The following IQCH variants were observed in gnomAD, a reference collection of about 807,000 sequenced individuals.
IQCH encodes the protein IQ motif containing H.
A neutral mutation model predicts 117.0 loss-of-function variants in IQCH; 98 were observed. That is an observed-to-expected ratio of 0.84 (90% CI 0.71 to 0.99). The LOEUF (loss-of-function observed/expected upper bound fraction) is 0.99, where lower values mean the gene tolerates loss of function less well. Among genes scored for constraint, IQCH ranks in the 50% least tolerant of loss-of-function variants. IQCH has a pLI of 0.00. For synonymous variants in IQCH, 412 were observed against 448.2 expected (o/e 0.92, Z 1.02); for missense variants, 1,102 against 1,243.8 (o/e 0.89, Z 1.72).
intron 3 of IQCH, among the ~76,000 whole-genome samples, chr15:67,276,851 A>G (rs1966146149): frequency 1.3e-5 from 2 of 152,156 alleles, no homozygotes; most frequent in Admixed American, 1.3e-4. Context: ...AAATTCCTGA[A>G]TCTGTAGCTT....
intron 15 of IQCH, chr15:67,421,090 A>G: frequency 1.7e-6 from 1 of 592,222 alleles, no homozygotes; most frequent in Non-Finnish European, 3.0e-6. Context: ...TGAATACTAT[A>G]GATAGATACA....
chr15:67,500,800 A>ATT lies in IQCH; in HGVS notation c.*62_*63dup. ...ATCCCAGTCTGGAATAAAAAGGGCA[A>ATT]TTTTTTTTTCTGTTAGAAATAAAAG... On this transcript the variant is annotated 3_prime_UTR_variant, in exon 21 of 21. Transcript: ENST00000335894. The surrounding 1 kb of genome is among the most constrained non-coding windows in gnomAD (Gnocchi z 4.4). 5.6e-6 allele frequency: 5 copies of ATT among 891,818 alleles called. No homozygotes were observed. The highest frequency in any genetic ancestry group is 2.8e-5 in the Admixed American group (1 of 35,680). 55.2% of individuals were successfully genotyped at this position (891,818 alleles called of 1,614,324 possible). A position where few individuals can be genotyped will look rare whatever the true frequency, so the allele number is the denominator to read the frequency against.
intron 4 of IQCH, among the ~76,000 whole-genome samples, chr15:67,294,648 A>G (rs1016146612): frequency 6.6e-6 from 1 of 152,230 alleles, no homozygotes; most frequent in South Asian, 2.1e-4. Flanking sequence ...AAGCATGGAC[A>G]AAAGGCAACA....
Position 67,456,583 on chromosome 15 carries a change from A to G in IQCH, c.2506-8544A>G, listed in dbSNP as rs552801088. Among the ~76,000 whole-genome samples, 1 of 151,642 alleles carries G rather than the reference A, an allele frequency of 6.6e-6. No individual in the cohort carries two copies. The highest frequency in any genetic ancestry group is 1.9e-4 in the East Asian group (1 of 5,188). ...ATCAAATGTATTAAAAATCCATTTC[A>G]TCTATTCCATGAGGATAATCATGGA... On this transcript the variant is annotated intron_variant, in intron 16 of 20. Transcript: ENST00000335894. This position sits in a 1 kb window ranked among gnomAD's most constrained non-coding sequence, Gnocchi z 5.1.
At chr15:67,302,474 A>G (rs1967094654) in intron 4 of IQCH, among the ~76,000 whole-genome samples, 1 of 152,220 alleles carries the variant, frequency 6.6e-6, no homozygotes, top group African/African-American at 2.4e-5. Flanking sequence ...CTCAAGGAGA[A>G]GGAAATAGAC....
In IQCH at chr15:67,476,941, T is replaced by A. The variant is rs1199546448; in HGVS notation, c.2799+1123T>A. On this transcript the variant is annotated intron_variant, in intron 18 of 20. Transcript: ENST00000335894. The surrounding 1 kb of genome is among the most constrained non-coding windows in gnomAD (Gnocchi z 4.1). The stretch of plus-strand genomic sequence containing the variant: ...GTAACCAGTTGATCAGATGTTTTGA[T>A]TTGTAGATATTCAGTTCTACATTTA... 6.6e-6 allele frequency among the ~76,000 whole-genome samples: 1 copy of A among 152,156 alleles called. No individual in the cohort carries two copies. Among genetic ancestry groups the A allele is most frequent in the Non-Finnish European group, 1.5e-5 (1 of 68,016 alleles).
intron 18 of IQCH, among the ~76,000 whole-genome samples, chr15:67,477,044 C>CTTTTTTT (rs71455553): frequency 6.5e-4 from 46 of 71,132 alleles, no homozygotes; most frequent in Non-Finnish European, 9.1e-4. Context: ...TCTTTTTCTT[C>CTTTTTTT]TTTTTTTTTT....
At chr15:67,313,606 A>G (rs1967705703) in intron 4 of IQCH, among the ~76,000 whole-genome samples, 1 of 152,150 alleles carries the variant, frequency 6.6e-6, no homozygotes, top group South Asian at 2.1e-4. Context: ...GAGGTAGAGA[A>G]TAGTGAGAGT....
intron 3 of IQCH, among the ~76,000 whole-genome samples, chr15:67,271,979 CT>C (rs1381994195): frequency 6.6e-6 from 1 of 151,832 alleles, no homozygotes; most frequent in Non-Finnish European, 1.5e-5. Flanking sequence ...TGTGTTCTTG[CT>C]TTTCTAATTC....
chr15:67,401,549 TAGAG>T lies in IQCH; in HGVS notation c.2097+1247_2097+1250del, dbSNP rs35921378. 0.24 allele frequency among the ~76,000 whole-genome samples: 36,441 copies of T among 151,992 alleles called. 5,339 individuals carry two copies. Among genetic ancestry groups the T allele is most frequent in the East Asian group, 0.55 (2,811 of 5,118 alleles). ...AGTATATGAATCAAGACACAAGTGATAGAGAGGGAGGGGCACACTTGAGGGAACC... is the reference window on the plus strand; with the variant it reads ...AGTATATGAATCAAGACACAAGTGATAGGGAGGGGCACACTTGAGGGAACC... On this transcript the variant is annotated intron_variant, in intron 14 of 20. Transcript: ENST00000335894. The surrounding 1 kb of genome is among the most constrained non-coding windows in gnomAD (Gnocchi z 4.7).
chr15:67,353,669 C>T (rs1969767709), intron 6 of IQCH, among the ~76,000 whole-genome samples: 1 of 151,876 alleles, frequency 6.6e-6, no homozygotes, highest in African/African-American at 2.4e-5. Flanking sequence ...AAATTGGCTT[C>T]TTTAAAAGAA....
rs914641964 is a variant in IQCH, at chr15:67,393,653, G to A, written c.1633-1638G>A. Among the ~76,000 whole-genome samples, 1 of 151,866 alleles carries A rather than the reference G, an allele frequency of 6.6e-6. No homozygotes were observed. The highest frequency in any genetic ancestry group is 2.4e-5 in the African/African-American group (1 of 41,316). ...CTCCTGCCTCAGGCTTTTAGTAGCT[G>A]GGACCACAGGTGTGTACCACCACAT... On this transcript the variant is annotated intron_variant, in intron 12 of 20. Coordinates refer to ENST00000335894, the MANE Select transcript of IQCH (RefSeq NM_001031715.3). The surrounding 1 kb of genome is among the most constrained non-coding windows in gnomAD (Gnocchi z 5.5).
At position 67,496,145 on chromosome 15, in the gene IQCH, C is replaced by T. The variant is rs1459075157; in HGVS notation, c.2970+1779C>T. Reference sequence around the variant, plus strand: ...CAGCCTGGGCAACATGGTGAAACCCCATCTCTACAAAAATTACAAAAATTA... The same window carrying T: ...CAGCCTGGGCAACATGGTGAAACCCTATCTCTACAAAAATTACAAAAATTA... On this transcript the variant is annotated intron_variant, in intron 20 of 20. Coordinates refer to ENST00000335894, the MANE Select transcript of IQCH (RefSeq NM_001031715.3). The surrounding 1 kb of genome is among the most constrained non-coding windows in gnomAD (Gnocchi z 4.4). 6.6e-6 allele frequency among the ~76,000 whole-genome samples: 1 copy of T among 152,010 alleles called. No individual in the cohort carries two copies. Among genetic ancestry groups the T allele is most frequent in the African/African-American group, 2.4e-5 (1 of 41,372 alleles).
Position 67,254,946 on chromosome 15 carries a change from A to C in IQCH, c.50A>C (p.Gln17Pro). The C allele has an allele frequency of 6.2e-7, 1 of 1,613,372 alleles. No homozygotes were observed. Among genetic ancestry groups the C allele is most frequent in the Non-Finnish European group, 8.5e-7 (1 of 1,179,614 alleles). ...NHDPVGSILI[Q>P]IHEDLYQLKE... ...GACCCTGTCGGATCCATCTTAATCC[A>C]GGTGGGAAACGGGCTTCCCCCGGCC... Residue 17 changes from glutamine (Q) to proline (P), a missense_variant and splice_region_variant, in exon 1 of 21, where the codon CAG (glutamine) becomes CCG (proline). Coordinates refer to ENST00000335894, the MANE Select transcript of IQCH (RefSeq NM_001031715.3).
At chr15:67,483,130 C>T (rs1469185920) in intron 18 of IQCH, among the ~76,000 whole-genome samples, 1 of 152,146 alleles carries the variant, frequency 6.6e-6, no homozygotes, top group Non-Finnish European at 1.5e-5. Flanking sequence ...TAGCTTGTAA[C>T]CAACTAACTG....
chr15:67,374,564 T>C (rs1319989678), intron 10 of IQCH, among the ~76,000 whole-genome samples: 1 of 152,218 alleles, frequency 6.6e-6, no homozygotes, highest in African/African-American at 2.4e-5. Context: ...CAATCTTTTC[T>C]AGACTCTGGA....
chr15:67,363,049 G>A (rs1441034563), intron 8 of IQCH, among the ~76,000 whole-genome samples: 1 of 152,112 alleles, frequency 6.6e-6, no homozygotes, highest in Non-Finnish European at 1.5e-5. Context: ...TCTGCAACCT[G>A]GAGATACAAA....
rs144947132 is a variant in IQCH at position 67,275,997 on chromosome 15, G to A, written c.270-3398G>A. On this transcript the variant is annotated intron_variant, in intron 3 of 20. Transcript: ENST00000335894. ...GTTCATTTTAGCATTGTATTTAATA[G>A]CAATAACTTTGGATATACCTTAAGT... is the stretch of plus-strand genomic sequence containing the variant. 2.6e-5 allele frequency among the ~76,000 whole-genome samples: 4 copies of A among 152,210 alleles called. No homozygotes were observed. The East Asian group carries it at 7.7e-4, about 29-fold the overall frequency.
In IQCH at chr15:67,391,040, A is replaced by G. The variant is rs1010121155; in HGVS notation, c.1632+2034A>G. Among the ~76,000 whole-genome samples the G allele has an allele frequency of 1.3e-5, 2 of 152,178 alleles. No homozygotes were observed. Among genetic ancestry groups the G allele is most frequent in the Admixed American group, 1.3e-4 (2 of 15,276 alleles). On this transcript the variant is annotated intron_variant, in intron 12 of 20. Coordinates refer to ENST00000335894, the MANE Select transcript of IQCH (RefSeq NM_001031715.3). This position sits in a 1 kb window ranked among gnomAD's most constrained non-coding sequence, Gnocchi z 4.3. The stretch of plus-strand genomic sequence containing the variant: ...TGGTCCTCTGGTCCTCATCTATAAA[A>G]TGAGATCCTGGATTAGATCATTTCA...
Sources: allele counts gnomAD v4.1 joint callset (sites outside exome capture counted in the v4.1 genomes callset), GRCh38; gene constraint gnomAD v4.1.1; non-coding constraint Gnocchi (gnomAD v3.1); transcripts MANE v1.5; gene names NCBI Gene and HGNC (gene_info 2026-07-23, HGNC 2026-07-21).